Variants in EFHC1 observed in about 807,000 individuals in gnomAD.
EFHC1 encodes EF-hand domain-containing protein 1.
Under a neutral mutation model 69.9 loss-of-function variants are expected in EFHC1, and 53 were observed. The ratio of observed to expected loss-of-function variants is 0.76; its 90% confidence interval spans 0.61 to 0.95. The LOEUF is 0.95. EFHC1 is among the 40% of genes least tolerant of loss of function. EFHC1 has a pLI of 0.00. For missense variants in EFHC1, 739 were observed against 798.7 expected (o/e 0.93, Z 0.90); for synonymous variants, 256 against 278.4 (o/e 0.92, Z 0.80).
intron 5 of EFHC1, among the ~76,000 whole-genome samples, chr6:52,458,360 G>A (rs1408939269): frequency 6.6e-6 from 1 of 152,168 alleles, no homozygotes; most frequent in African/African-American, 2.4e-5. Context: ...GCTATCAACA[G>A]AGGAAACAGC....
chr6:52,449,364 G>A (rs1764865079), intron 3 of EFHC1, among the ~76,000 whole-genome samples: 1 of 146,568 alleles, frequency 6.8e-6, no homozygotes, highest in South Asian at 2.1e-4. Context: ...CTGGGCGACA[G>A]AGCAAGACTC....
intron 3 of EFHC1, among the ~76,000 whole-genome samples, chr6:52,443,974 T>A (rs1355205202): frequency 1.3e-5 from 2 of 152,212 alleles, no homozygotes; most frequent in Non-Finnish European, 2.9e-5. Flanking sequence ...TGAGCAGTGG[T>A]TTGTAGTTCT....
At chr6:52,474,513 A>G (rs1391238174) in intron 7 of EFHC1, among the ~76,000 whole-genome samples, 2 of 152,204 alleles carry the variant, frequency 1.3e-5, no homozygotes, top group Non-Finnish European at 2.9e-5. Flanking sequence ...AATTTACTAG[A>G]TGGTGCTAAG....
intron 7 of EFHC1, among the ~76,000 whole-genome samples, chr6:52,470,332 A>G (rs889544310): frequency 1.1e-4 from 17 of 152,330 alleles, no homozygotes; most frequent in African/African-American, 3.8e-4. Context: ...AACACTCTCC[A>G]TAAGAATTCT....
chr6:52,425,727 T>C (rs768243135), intron 2 of EFHC1, among the ~76,000 whole-genome samples: 8 of 152,178 alleles, frequency 5.3e-5, no homozygotes, highest in Non-Finnish European at 1.0e-4. Flanking sequence ...ACTTTGAAAC[T>C]AAGTTTGTTT....
At chr6:52,436,836 T>G (rs1764542649) in intron 2 of EFHC1, among the ~76,000 whole-genome samples, 1 of 152,178 alleles carries the variant, frequency 6.6e-6, no homozygotes, top group Non-Finnish European at 1.5e-5. Context: ...CAGACGGGGT[T>G]TCACCATGTT....
chr6:52,475,617 GTTTAT>G (rs1408536900), intron 7 of EFHC1, among the ~76,000 whole-genome samples: 1 of 152,120 alleles, frequency 6.6e-6, no homozygotes. Flanking sequence ...TACAGCCTCT[GTTTAT>G]TTTATTTACT....
intron 2 of EFHC1, among the ~76,000 whole-genome samples, chr6:52,428,533 T>C (rs1231395874): frequency 6.6e-6 from 1 of 152,236 alleles, no homozygotes; most frequent in Non-Finnish European, 1.5e-5. Context: ...TTCCTTTTTA[T>C]GGCTAAATAG....
At chr6:52,422,424 C>T (rs889431441) in intron 1 of EFHC1, among the ~76,000 whole-genome samples, 1 of 152,100 alleles carries the variant, frequency 6.6e-6, no homozygotes, top group Admixed American at 6.5e-5. Flanking sequence ...ACTTGTGACT[C>T]TGAATACATG....
chr6:52,472,528 A>G (rs1765459662), intron 7 of EFHC1, among the ~76,000 whole-genome samples: 1 of 152,180 alleles, frequency 6.6e-6, no homozygotes, highest in Non-Finnish European at 1.5e-5. Flanking sequence ...AATACCATTT[A>G]CTATAGCATC....
intron 7 of EFHC1, among the ~76,000 whole-genome samples, chr6:52,477,827 G>T (rs1394540041): frequency 6.6e-6 from 1 of 152,188 alleles, no homozygotes; most frequent in Non-Finnish European, 1.5e-5. Flanking sequence ...CACTGTTGGT[G>T]GGACTGTAGA....
chr6:52,432,674 G>A (rs1490171884), intron 2 of EFHC1, among the ~76,000 whole-genome samples: 1 of 152,114 alleles, frequency 6.6e-6, no homozygotes, highest in Non-Finnish European at 1.5e-5. Flanking sequence ...CCTGAGGAAA[G>A]TGTGCCTAGG....
intron 9 of EFHC1, among the ~76,000 whole-genome samples, chr6:52,489,920 G>A (rs1343975963): frequency 6.6e-6 from 1 of 152,180 alleles, no homozygotes; most frequent in Non-Finnish European, 1.5e-5. Flanking sequence ...AAAGGAGGCT[G>A]AGCAAGAAGG....
At chr6:52,478,173 G>A (rs947236623) in intron 7 of EFHC1, among the ~76,000 whole-genome samples, 1 of 150,584 alleles carries the variant, frequency 6.6e-6, no homozygotes, top group African/African-American at 2.5e-5. Flanking sequence ...ACTATCGCAA[G>A]AACAAAAAAC....
At chr6:52,476,388 G>T (rs1204450318) in intron 7 of EFHC1, among the ~76,000 whole-genome samples, 1 of 152,192 alleles carries the variant, frequency 6.6e-6, no homozygotes, top group African/African-American at 2.4e-5. Flanking sequence ...ACACACTGCT[G>T]TAATCATGGT....
chr6:52,472,800 A>G (rs1372112578), intron 7 of EFHC1, among the ~76,000 whole-genome samples: 1 of 152,070 alleles, frequency 6.6e-6, no homozygotes, highest in East Asian at 1.9e-4. Flanking sequence ...GTTACATACA[A>G]AAACACTTTA....
At chr6:52,444,088 TTGTC>T (rs1402393610) in intron 3 of EFHC1, among the ~76,000 whole-genome samples, 2 of 152,228 alleles carry the variant, frequency 1.3e-5, no homozygotes, top group African/African-American at 2.4e-5. Flanking sequence ...GGCTCTCTGT[TTGTC>T]TGTTATTGGT....
chr6:52,464,048 G>A (rs1030381938), intron 5 of EFHC1, among the ~76,000 whole-genome samples: 1 of 152,162 alleles, frequency 6.6e-6, no homozygotes, highest in Admixed American at 6.5e-5. Context: ...TGTGATCAGG[G>A]TTCTGTGCCA....
intron 5 of EFHC1, among the ~76,000 whole-genome samples, chr6:52,462,841 T>C (rs988531617): frequency 1.3e-5 from 2 of 149,744 alleles, no homozygotes; most frequent in Non-Finnish European, 3.0e-5. Context: ...TGAGCCGAGA[T>C]TGTGCCAGTG....
Sources: allele counts gnomAD v4.1 joint callset (sites outside exome capture counted in the v4.1 genomes callset), GRCh38; gene constraint gnomAD v4.1.1; transcripts MANE v1.5; gene names NCBI Gene and HGNC (gene_info 2026-07-23, HGNC 2026-07-21).